RIMKLA: variants seen among roughly 807,000 people sequenced by gnomAD.
RIMKLA encodes the protein ribosomal modification protein rimK like family member A, also known as N-acetylaspartylglutamate synthase A.
Under a neutral mutation model 32.7 loss-of-function variants are expected in RIMKLA, and 14 were observed. That is an observed-to-expected ratio of 0.43 (90% CI 0.28 to 0.67). The LOEUF (loss-of-function observed/expected upper bound fraction) is 0.67, where lower values mean the gene tolerates loss of function less well. Among genes scored for constraint, RIMKLA ranks in the 30% least tolerant of loss-of-function variants. The pLI is 0.18. For synonymous variants in RIMKLA, 176 were observed against 204.1 expected (o/e 0.86, Z 1.18); for missense variants, 410 against 519.0 (o/e 0.79, Z 2.04).
chr1:42,386,797 A>C (rs1209890687), intron 1 of RIMKLA, among the ~76,000 whole-genome samples: 1 of 151,842 alleles, frequency 6.6e-6, no homozygotes, highest in African/African-American at 2.4e-5. Flanking sequence ...AGGTGGGAGA[A>C]TCACTTGAAC....
In RIMKLA at chr1:42,416,424, C is replaced by T. The variant is rs750552765; in HGVS notation, c.*1450C>T. The T allele has an allele frequency of 6.6e-6, 1 of 152,124 alleles. No individual in the cohort carries two copies. The highest frequency in any genetic ancestry group is 1.5e-5 in the Non-Finnish European group (1 of 68,034). The allele number at this position is 152,124 out of a possible 1,614,324, so 9.4% of individuals were successfully genotyped here. A position where few individuals can be genotyped will look rare whatever the true frequency, so the allele number is the denominator to read the frequency against. ...TGTTTTATCCAACCCCTCCTCCTGC[C>T]CACCAAGATCATCCTGAGCTGCTTC... On this transcript the variant is annotated 3_prime_UTR_variant, in exon 5 of 5. Transcript: ENST00000431473.
At chr1:42,397,420 C>T (rs17378275) in intron 1 of RIMKLA, among the ~76,000 whole-genome samples, 27,635 of 152,130 alleles carry the variant, frequency 0.18, 2,618 homozygotes, top group East Asian at 0.22. Flanking sequence ...TCTCTGTAGA[C>T]TGTGTTTTAA....
intron 1 of RIMKLA, among the ~76,000 whole-genome samples, chr1:42,396,676 T>C (rs1489809779): frequency 1.3e-5 from 2 of 152,222 alleles, no homozygotes; most frequent in Non-Finnish European, 2.9e-5. Context: ...GCTTCTCGTT[T>C]CTCTAGGTCA....
intron 3 of RIMKLA, among the ~76,000 whole-genome samples, chr1:42,408,525 G>A (rs111558486): frequency 1.4e-4 from 21 of 152,232 alleles, no homozygotes; most frequent in African/African-American, 4.3e-4. Context: ...GAGTTCAAGC[G>A]ATTCTCCTGC....
chr1:42,407,145 A>C (rs1570327151), intron 3 of RIMKLA, among the ~76,000 whole-genome samples: 1 of 152,172 alleles, frequency 6.6e-6, no homozygotes, highest in South Asian at 2.1e-4. Flanking sequence ...GACTCAAGCC[A>C]TCCACCCACC....
intron 1 of RIMKLA, among the ~76,000 whole-genome samples, chr1:42,393,502 G>C (rs1178279334): frequency 6.6e-6 from 1 of 152,188 alleles, no homozygotes; most frequent in East Asian, 1.9e-4. Context: ...CACAGTTGGT[G>C]GAAAGAGAAA....
rs1643293112 is a variant in RIMKLA at position 42,421,277 on chromosome 1, T to TTGGCTCTTCCTGTATTAGGTTTGC, written c.*6309_*6332dup. 2 of 152,248 alleles carry TTGGCTCTTCCTGTATTAGGTTTGC rather than the reference T, an allele frequency of 1.3e-5. No individual in the cohort carries two copies. The highest frequency in any genetic ancestry group is 2.9e-5 in the Non-Finnish European group (2 of 68,072). The allele number at this position is 152,248 out of a possible 1,614,324, so 9.4% of individuals were successfully genotyped here. A position where few individuals can be genotyped will look rare whatever the true frequency, so the allele number is the denominator to read the frequency against. On this transcript the variant is annotated 3_prime_UTR_variant, in exon 5 of 5. Transcript: ENST00000431473. This position sits in a 1 kb window ranked among gnomAD's most constrained non-coding sequence, Gnocchi z 4.6. ...TTGGATGATTTAGCACCTGGGTTTTTTGGCTCTTCCTGTATTAGGTTTGCT... is the reference window on the plus strand; with the variant it reads ...TTGGATGATTTAGCACCTGGGTTTTTTGGCTCTTCCTGTATTAGGTTTGCTGGCTCTTCCTGTATTAGGTTTGCT...
intron 1 of RIMKLA, among the ~76,000 whole-genome samples, chr1:42,397,608 C>T (rs1482665501): frequency 6.6e-6 from 1 of 151,874 alleles, no homozygotes; most frequent in Non-Finnish European, 1.5e-5. Flanking sequence ...ACTTGTAGTC[C>T]CAACTACTTG....
chr1:42,394,787 AG>A (rs1302193514), intron 1 of RIMKLA, among the ~76,000 whole-genome samples: 1 of 151,030 alleles, frequency 6.6e-6, no homozygotes, highest in Non-Finnish European at 1.5e-5. Context: ...CCCAGGCTGG[AG>A]TGCAATGACG....
At chr1:42,382,843 A>G (rs1249454474) in intron 1 of RIMKLA, among the ~76,000 whole-genome samples, 1 of 152,030 alleles carries the variant, frequency 6.6e-6, no homozygotes, top group African/African-American at 2.4e-5. Context: ...TAATCTATTC[A>G]CAAACCAGGA....
chr1:42,392,247 T>C (rs1310536306), intron 1 of RIMKLA, among the ~76,000 whole-genome samples: 1 of 152,150 alleles, frequency 6.6e-6, no homozygotes, highest in Non-Finnish European at 1.5e-5. Context: ...CCTCCTTTGC[T>C]CTCCCTGGAC....
At position 42,380,959 on chromosome 1, in the gene RIMKLA, A is replaced by T; in HGVS notation, c.25A>T (p.Thr9Ser). Residue 9 changes from threonine to serine, a missense_variant, in exon 1 of 5, where the codon ACG becomes TCG. Thr to Ser is a moderately conservative substitution (Grantham distance 58). Coordinates refer to ENST00000431473, the MANE Select transcript of RIMKLA (RefSeq NM_173642.4). MCSQLWFL[T>S]DRRIREDYPQ... is the part of the protein sequence containing the mutation. ...CATGTGCTCCCAGCTCTGGTTCCTG[A>T]CGGACCGGCGCATCCGCGAGGACTA... 1 of 1,449,502 alleles carries T rather than the reference A, an allele frequency of 6.9e-7. No individual in the cohort carries two copies. 89.8% of individuals were successfully genotyped at this position (1,449,502 alleles called of 1,614,324 possible).
intron 2 of RIMKLA, among the ~76,000 whole-genome samples, chr1:42,402,574 G>A (rs936872777): frequency 4.1e-5 from 6 of 147,728 alleles, no homozygotes; most frequent in Non-Finnish European, 8.9e-5. Flanking sequence ...CCACCAGAAA[G>A]GAATCCACCT....
chr1:42,398,903 G>T (rs1455294879), intron 1 of RIMKLA, among the ~76,000 whole-genome samples: 1 of 148,694 alleles, frequency 6.7e-6, no homozygotes, highest in East Asian at 2.0e-4. Flanking sequence ...GGAGGCAGAG[G>T]TCGCAGTGAG....
At chr1:42,394,753 T>TTG (rs996731112) in intron 1 of RIMKLA, among the ~76,000 whole-genome samples, 6 of 152,060 alleles carry the variant, frequency 3.9e-5, no homozygotes, top group African/African-American at 1.5e-4. Context: ...TTTTTTTTTT[T>TTG]GAGACGGAGT....
intron 1 of RIMKLA, among the ~76,000 whole-genome samples, chr1:42,391,058 A>T (rs12408746): frequency 0.15 from 22,898 of 152,088 alleles, 1,822 homozygotes; most frequent in East Asian, 0.22. Flanking sequence ...TGGGTCAAGG[A>T]ATAGTACTAG....
intron 3 of RIMKLA, among the ~76,000 whole-genome samples, chr1:42,409,032 A>T: frequency 6.6e-6 from 1 of 151,384 alleles, no homozygotes; most frequent in Admixed American, 6.6e-5. Context: ...ACATGGTGAA[A>T]CCTCATCTCT....
chr1:42,391,351 G>A (rs890237606), intron 1 of RIMKLA, among the ~76,000 whole-genome samples: 4 of 152,170 alleles, frequency 2.6e-5, no homozygotes, highest in African/African-American at 9.7e-5. Context: ...AAGGGGTGAT[G>A]TGTTGTGTGG....
rs1557762852 is a variant in RIMKLA, at chr1:42,423,807, A to G, written c.*8833A>G. 2.0e-5 allele frequency among the ~76,000 whole-genome samples: 3 copies of G among 152,188 alleles called. No homozygotes were observed. The highest frequency in any genetic ancestry group is 4.8e-5 in the African/African-American group (2 of 41,528). ...TTTCCTGCAGCTGCTGCTTTCACTA[A>G]TGGCACTTCTTAAATCTGGTGAGAG... On this transcript the variant is annotated 3_prime_UTR_variant, in exon 5 of 5. Coordinates refer to ENST00000431473, the MANE Select transcript of RIMKLA (RefSeq NM_173642.4).
Sources: allele counts gnomAD v4.1 joint callset (sites outside exome capture counted in the v4.1 genomes callset), GRCh38; gene constraint gnomAD v4.1.1; non-coding constraint Gnocchi (gnomAD v3.1); transcripts MANE v1.5; gene names NCBI Gene and HGNC (gene_info 2026-07-23, HGNC 2026-07-21).